PALM2AKAP2: variants seen among roughly 807,000 people sequenced by gnomAD.
PALM2AKAP2 encodes PALM2-AKAP2 fusion protein.
In PALM2AKAP2, 37 loss-of-function variants were observed where a neutral mutation model predicts 71.5. The observed-to-expected ratio is 0.52, with a 90% CI of 0.40 to 0.68. The LOEUF is 0.68. PALM2AKAP2 is among the 30% of genes least tolerant of loss of function. The pLI is 0.00. For synonymous variants in PALM2AKAP2, 468 were observed against 478.8 expected (o/e 0.98, Z 0.29); for missense variants, 1,224 against 1,191.8 (o/e 1.03, Z -0.40).
rs538733916 is a variant in PALM2AKAP2 at position 109,708,864 on chromosome 9, A to G, written c.5+67998A>G. ...GTTCTCCTTTGCCTCTCTCATTGCC[A>G]GCATTGGGTAGTTGAAACCTAGACT... is the stretch of plus-strand genomic sequence containing the variant. On this transcript the variant is annotated intron_variant, in intron 1 of 6. Transcript: ENST00000374531. 8.5e-5 allele frequency among the ~76,000 whole-genome samples: 13 copies of G among 152,302 alleles called. 1 individual carries two copies. The East Asian group carries it at 2.5e-3, about 29-fold the overall frequency.
chr9:109,948,143 T>G (rs1831554337), intron 6 of PALM2AKAP2, among the ~76,000 whole-genome samples: 1 of 152,204 alleles, frequency 6.6e-6, no homozygotes, highest in African/African-American at 2.4e-5. Flanking sequence ...AAAAGAAAAG[T>G]CGTTTATTAG....
At chr9:109,948,309 A>G (rs1048768214) in intron 6 of PALM2AKAP2, among the ~76,000 whole-genome samples, 1 of 152,224 alleles carries the variant, frequency 6.6e-6, no homozygotes, top group African/African-American at 2.4e-5. Flanking sequence ...TCCTTAGACC[A>G]GCTTCCCCAG....
At position 109,845,486 on chromosome 9, in the gene PALM2AKAP2, G is replaced by A. The variant is rs1048343537; in HGVS notation, c.46-22005G>A. Among the ~76,000 whole-genome samples, 21 of 152,212 alleles carry A rather than the reference G, an allele frequency of 1.4e-4. 1 individual carries two copies. The highest frequency in any genetic ancestry group is 4.3e-4 in the African/African-American group (18 of 41,444). On this transcript the variant is annotated intron_variant, in intron 1 of 9. Coordinates refer to the PALM2AKAP2 transcript ENST00000302798. Reference sequence around the variant, plus strand: ...GTGCTTCTCAGTATAATTGCTAGAGGCCTCCAGTGAGCAGAGGAATTGTGT... The same window carrying A: ...GTGCTTCTCAGTATAATTGCTAGAGACCTCCAGTGAGCAGAGGAATTGTGT...
At chr9:109,777,187 A>G (rs57654158), upstream of PALM2AKAP2, among the ~76,000 whole-genome samples, 1 of 152,212 alleles carries the variant, frequency 6.6e-6, no homozygotes, top group Admixed American at 6.5e-5. Flanking sequence ...TCTGATGCAA[A>G]TTCACTTAAC....
At chr9:110,061,144 C>G (rs1480063430) in intron 1 of PALM2AKAP2, among the ~76,000 whole-genome samples, 1 of 152,152 alleles carries the variant, frequency 6.6e-6, no homozygotes, top group African/African-American at 2.4e-5. Context: ...ATCCACTAAA[C>G]CCTCTTTGCC....
Position 109,884,008 on chromosome 9 carries a change from A to G in PALM2AKAP2, c.257+3327A>G, listed in dbSNP as rs778930878. Among the ~76,000 whole-genome samples, 5 of 152,236 alleles carry G rather than the reference A, an allele frequency of 3.3e-5. 1 individual carries two copies. Among genetic ancestry groups the G allele is most frequent in the South Asian group, 2.1e-4 (1 of 4,836 alleles). On this transcript the variant is annotated intron_variant, in intron 3 of 9. Transcript: ENST00000302798. ...AGCAAGCCCAAAACCAAGGGAAGAG[A>G]CAGCCAGCCAACTTTTAGTGGAAGG... is the stretch of plus-strand genomic sequence containing the variant.
intron 1 of PALM2AKAP2, among the ~76,000 whole-genome samples, chr9:109,809,808 G>A (rs1372329272): frequency 6.6e-6 from 1 of 152,146 alleles, no homozygotes; most frequent in African/African-American, 2.4e-5. Context: ...CACAGGGGTG[G>A]TTACCCCATG....
At chr9:109,658,925 ACCTT>A (rs1303010797) in intron 1 of PALM2AKAP2, among the ~76,000 whole-genome samples, 1 of 152,204 alleles carries the variant, frequency 6.6e-6, no homozygotes, top group Non-Finnish European at 1.5e-5. Flanking sequence ...AACTTGCAGG[ACCTT>A]TATGTGAAAA....
Position 109,885,290 on chromosome 9 carries a change from G to A in PALM2AKAP2, c.257+4609G>A, listed in dbSNP as rs181079268. Among the ~76,000 whole-genome samples the A allele has an allele frequency of 2.6e-5, 4 of 152,264 alleles. No homozygotes were observed. The East Asian group carries it at 5.8e-4, about 22-fold the overall frequency. Reference sequence around the variant, plus strand: ...TGCTTAGCTTTTGAGGGCAGCCCACGAAGAAGGAAGGAATGGAGGAAGGAA... The same window carrying A: ...TGCTTAGCTTTTGAGGGCAGCCCACAAAGAAGGAAGGAATGGAGGAAGGAA... On this transcript the variant is annotated intron_variant, in intron 3 of 9. Transcript: ENST00000302798.
chr9:110,105,909 G>A (rs142970101), intron 1 of PALM2AKAP2, among the ~76,000 whole-genome samples: 69 of 152,206 alleles, frequency 4.5e-4, no homozygotes, highest in African/African-American at 1.1e-3. Flanking sequence ...GAAAAGAAGC[G>A]TCTGACCAAT....
chr9:110,032,474 C>T (rs1833297752), intron 7 of PALM2AKAP2, among the ~76,000 whole-genome samples: 1 of 151,968 alleles, frequency 6.6e-6, no homozygotes, highest in Non-Finnish European at 1.5e-5. Context: ...GGGCAGATCA[C>T]GAGGTCAGGA....
chr9:109,864,225 A>C (rs1829386075), intron 1 of PALM2AKAP2, among the ~76,000 whole-genome samples: 1 of 152,228 alleles, frequency 6.6e-6, no homozygotes, highest in Non-Finnish European at 1.5e-5. Flanking sequence ...TGTGCTAACA[A>C]CTGCTTAGTT....
intron 2 of PALM2AKAP2, among the ~76,000 whole-genome samples, chr9:109,873,838 T>C (rs2418061): frequency 0.74 from 112,326 of 152,012 alleles, 41,627 homozygotes; most frequent in Admixed American, 0.78. Flanking sequence ...TTCACCGGGG[T>C]CACCTCAAAA....
rs374713478 is a variant in PALM2AKAP2, at chr9:110,097,687, A to G, written c.157-38440A>G. Among the ~76,000 whole-genome samples, 605 of 143,848 alleles carry G rather than the reference A, an allele frequency of 4.2e-3. 2 individuals are homozygous for G. The highest frequency in any genetic ancestry group is 0.01 in the Middle Eastern group (3 of 286). 94.4% of individuals were successfully genotyped at this position (143,848 alleles called of 152,430 possible). Reference sequence around the variant, plus strand: ...TCCTCACTTTCCAGACTGGGCAGCCAGGCAGAGGGGCTCCTCACATCCCAG... The same window carrying G: ...TCCTCACTTTCCAGACTGGGCAGCCGGGCAGAGGGGCTCCTCACATCCCAG... On this transcript the variant is annotated intron_variant, in intron 1 of 3. Transcript: ENST00000374525.
At chr9:109,900,466 A>C (rs1461794579) in intron 3 of PALM2AKAP2, among the ~76,000 whole-genome samples, 4 of 152,210 alleles carry the variant, frequency 2.6e-5, no homozygotes, top group African/African-American at 9.6e-5. Flanking sequence ...GTACTGAGAG[A>C]TGTCATACTT....
intron 1 of PALM2AKAP2, among the ~76,000 whole-genome samples, chr9:109,641,202 C>T (rs1162863259): frequency 2.0e-5 from 3 of 152,202 alleles, no homozygotes; most frequent in Non-Finnish European, 2.9e-5. Context: ...CCGCAATAGC[C>T]ATGACTTCCG....
intron 6 of PALM2AKAP2, among the ~76,000 whole-genome samples, chr9:109,958,371 C>T (rs4978861): frequency 0.22 from 34,150 of 152,040 alleles, 4,330 homozygotes; most frequent in East Asian, 0.53. Flanking sequence ...CATGATGTGA[C>T]AGAAGCAGCA....
At chr9:109,701,632 A>G (rs923361133) in intron 1 of PALM2AKAP2, among the ~76,000 whole-genome samples, 22 of 152,276 alleles carry the variant, frequency 1.4e-4, no homozygotes, top group Admixed American at 1.2e-3. Flanking sequence ...ACCTAAAACC[A>G]TAAAAATCCT....
intron 1 of PALM2AKAP2, among the ~76,000 whole-genome samples, chr9:110,118,837 A>T (rs1246126808): frequency 6.6e-6 from 1 of 152,194 alleles, no homozygotes; most frequent in Non-Finnish European, 1.5e-5. Flanking sequence ...GCTTATGAAT[A>T]TGCAAATATA....
Sources: gnomAD v4.1 joint callset for allele counts (sites outside exome capture counted in the v4.1 genomes callset) on GRCh38, gnomAD v4.1.1 for gene constraint, MANE v1.5 for transcripts, NCBI Gene and HGNC (gene_info 2026-07-23, HGNC 2026-07-21) for gene names.